SFSWAP: variants seen among roughly 807,000 people sequenced by gnomAD.
SFSWAP encodes the protein splicing factor, suppressor of white-apricot homolog.
A neutral mutation model predicts 100.7 loss-of-function variants in SFSWAP; 17 were observed. The observed-to-expected ratio is 0.17, with a 90% CI of 0.12 to 0.25. The LOEUF (loss-of-function observed/expected upper bound fraction) is 0.25. SFSWAP is among the 10% of genes least tolerant of loss of function. The pLI is 1.00. For synonymous variants in SFSWAP, 504 were observed against 510.1 expected, an observed-to-expected ratio of 0.99 and a Z score of 0.16; for missense variants, 1,005 against 1,262.6, an observed-to-expected ratio of 0.80 and a Z score of 3.09.
At chr12:131,727,089 C>G (rs1452518130) in intron 6 of SFSWAP, 37 bp downstream of exon 6, 1 of 1,225,850 alleles carries the variant, frequency 8.2e-7, no homozygotes, top group Admixed American at 1.8e-5. Flanking sequence ...TTTTATGCCA[C>G]CACAAAACTT....
At chr12:131,717,108 C>A (rs1399631855) in intron 3 of SFSWAP, among the ~76,000 whole-genome samples, 3 of 152,230 alleles carry the variant, frequency 2.0e-5, no homozygotes, top group Non-Finnish European at 4.4e-5. Flanking sequence ...ACCTAACACA[C>A]ACACACACAT....
chr12:131,741,198 C>T (rs1185839848), intron 7 of SFSWAP, among the ~76,000 whole-genome samples: 1 of 151,930 alleles, frequency 6.6e-6, no homozygotes, highest in African/African-American at 2.4e-5. Flanking sequence ...GAACTCCTGA[C>T]CTCGTGATCC....
At chr12:131,761,586 C>A (rs987630828) in intron 11 of SFSWAP, among the ~76,000 whole-genome samples, 1 of 152,224 alleles carries the variant, frequency 6.6e-6, no homozygotes, top group Non-Finnish European at 1.5e-5. Context: ...TGGCCCCGAT[C>A]ACTCAGGGAC....
chr12:131,790,116 C>T (rs1008627041), intron 15 of SFSWAP, among the ~76,000 whole-genome samples: 1 of 152,138 alleles, frequency 6.6e-6, no homozygotes, highest in African/African-American at 2.4e-5. Context: ...AAGACCCTGC[C>T]CCTTTGTTTA....
At chr12:131,786,662 C>G (rs966992540) in intron 15 of SFSWAP, 74 bp downstream of exon 15, 41 of 1,482,934 alleles carry the variant, frequency 2.8e-5, no homozygotes, top group Non-Finnish European at 3.4e-5. Context: ...GTCTGAAGGT[C>G]GGGTATCTGT....
At position 131,730,178 on chromosome 12, in the gene SFSWAP, G is replaced by A. The variant is rs1267276716; in HGVS notation, c.1081+1750G>A. On this transcript the variant is annotated intron_variant, in intron 7 of 17. Coordinates refer to ENST00000261674, the MANE Select transcript of SFSWAP (RefSeq NM_004592.4). This position sits in a 1 kb window ranked among gnomAD's most constrained non-coding sequence, Gnocchi z 4.0. The stretch of plus-strand genomic sequence containing the variant: ...TGCATGGATTTTTGGATAGACGGCC[G>A]CACACCTTTAAGTCTTGAGCCCCAC... 2.6e-5 allele frequency among the ~76,000 whole-genome samples: 4 copies of A among 152,294 alleles called. No homozygotes were observed. The highest frequency in any genetic ancestry group is 4.1e-4 in the South Asian group (2 of 4,828).
At chr12:131,791,911 T>C (rs1368185855) in intron 15 of SFSWAP, among the ~76,000 whole-genome samples, 2 of 152,268 alleles carry the variant, frequency 1.3e-5, no homozygotes, top group Admixed American at 1.3e-4. Flanking sequence ...CACAGATCAG[T>C]ACTGTGTGCA....
intron 13 of SFSWAP, among the ~76,000 whole-genome samples, chr12:131,777,830 G>A (rs887954515): frequency 2.0e-5 from 3 of 152,176 alleles, no homozygotes; most frequent in African/African-American, 7.2e-5. Flanking sequence ...CACAGCCTGG[G>A]GGCTGGGAAG....
rs1207347427 is a variant in SFSWAP, at chr12:131,711,325, A to G, written c.96A>G (p.Arg32=). 1.2e-6 allele frequency: 2 copies of G among 1,613,614 alleles called. No individual in the cohort carries two copies. The highest frequency in any genetic ancestry group is 8.5e-7 in the Non-Finnish European group (1 of 1,179,922). ...GCGGTGCCGGCGGTGGGGGCAGCCG[A>G]GTGGAGCTCTTGGTTTTCGGCTATG... ...GPGGAGGGGS[R]VELLVFGYAC... is the part of the protein sequence containing the mutation. The change falls in exon 1 of 18, where the codon CGA becomes CGG. Residue 32 remains arginine (R), a synonymous_variant. Transcript: ENST00000261674. This position sits in a 1 kb window ranked among gnomAD's most constrained non-coding sequence, Gnocchi z 4.9.
chr12:131,714,149 G>C lies in SFSWAP; in HGVS notation c.297G>C (p.Leu99=). Reference sequence around the variant, plus strand: ...CCACGTGGAACAGAGATTATCAGCTGTCTGAAGAGGAGGCGCGAATAGAGG... The same window carrying C: ...CCACGTGGAACAGAGATTATCAGCTCTCTGAAGAGGAGGCGCGAATAGAGG... ...EYSTWNRDYQ[L]SEEEARIEAL... The change falls in exon 2 of 18, where the codon CTG becomes CTC. Residue 99 remains leucine (L), a synonymous_variant. Transcript: ENST00000261674. The surrounding 1 kb of genome is among the most constrained non-coding windows in gnomAD (Gnocchi z 6.0). 6.2e-7 allele frequency: 1 copy of C among 1,614,098 alleles called. No homozygotes were observed. Among genetic ancestry groups the C allele is most frequent in the Non-Finnish European group, 8.5e-7 (1 of 1,179,984 alleles).
Position 131,711,543 on chromosome 12 carries a change from T to C in SFSWAP, c.218+96T>C. On this transcript the variant is annotated intron_variant, in intron 1 of 17. Transcript: ENST00000261674. The surrounding 1 kb of genome is among the most constrained non-coding windows in gnomAD (Gnocchi z 4.9). ...ACTGCAAGGACTGCAGAGAGTTTTC[T>C]GGAGCCAGCGGGGATCTGGGGGACA... 9.3e-7 allele frequency: 1 copy of C among 1,070,734 alleles called. No homozygotes were observed. The highest frequency in any genetic ancestry group is 1.4e-5 in the South Asian group (1 of 70,748). 66.3% of individuals were successfully genotyped at this position (1,070,734 alleles called of 1,614,324 possible).
chr12:131,764,755 C>A, intron 12 of SFSWAP, 69 bp downstream of exon 12: 1 of 1,144,996 alleles, frequency 8.7e-7, no homozygotes, highest in Non-Finnish European at 1.2e-6. Context: ...TCTGCTAAGC[C>A]AAAAAATCTC....
At chr12:131,722,556 A>C (rs1213663792) in intron 4 of SFSWAP, among the ~76,000 whole-genome samples, 3 of 152,204 alleles carry the variant, frequency 2.0e-5, no homozygotes, top group Non-Finnish European at 4.4e-5. Flanking sequence ...TATTCTGTTG[A>C]TGAATAATAA....
intron 4 of SFSWAP, among the ~76,000 whole-genome samples, chr12:131,722,889 T>G (rs1460921806): frequency 1.3e-5 from 2 of 152,072 alleles, no homozygotes; most frequent in Non-Finnish European, 2.9e-5. Context: ...GTGGAGGTTG[T>G]AGTGAGCTAA....
chr12:131,789,925 G>A lies in SFSWAP; in HGVS notation c.2534+3337G>A, dbSNP rs146630870. ...TGATTAAGTCTGCATCTGCCCCTTC[G>A]TCTCCCCACCAGCGAGGAATCCAGG... On this transcript the variant is annotated intron_variant, in intron 15 of 17. Transcript: ENST00000261674. Among the ~76,000 whole-genome samples, 683 of 152,176 alleles carry A rather than the reference G, an allele frequency of 4.5e-3. 4 individuals carry two copies. The highest frequency in any genetic ancestry group is 5.4e-3 in the African/African-American group (224 of 41,508).
In SFSWAP at chr12:131,730,669, G is replaced by A. The variant is rs923060926; in HGVS notation, c.1081+2241G>A. The stretch of plus-strand genomic sequence containing the variant: ...CACACACTTTGGTTTCTTCCCACCT[G>A]CTGATGGCTCCCGAGACCACTGATA... On this transcript the variant is annotated intron_variant, in intron 7 of 17. Transcript: ENST00000261674. This position sits in a 1 kb window ranked among gnomAD's most constrained non-coding sequence, Gnocchi z 4.0. 2.0e-5 allele frequency among the ~76,000 whole-genome samples: 3 copies of A among 152,182 alleles called. No homozygotes were observed. Among genetic ancestry groups the A allele is most frequent in the African/African-American group, 7.2e-5 (3 of 41,444 alleles).
rs1415426000 is a variant in SFSWAP at position 131,730,465 on chromosome 12, C to G, written c.1081+2037C>G. Among the ~76,000 whole-genome samples, 1 of 152,222 alleles carries G rather than the reference C, an allele frequency of 6.6e-6. No individual in the cohort carries two copies. Among genetic ancestry groups the G allele is most frequent in the African/African-American group, 2.4e-5 (1 of 41,454 alleles). On this transcript the variant is annotated intron_variant, in intron 7 of 17. Coordinates refer to ENST00000261674, the MANE Select transcript of SFSWAP (RefSeq NM_004592.4). This position sits in a 1 kb window ranked among gnomAD's most constrained non-coding sequence, Gnocchi z 4.0. ...TGGTGGAAGAACAGCCATGTGCAGA[C>G]CCCGCAGGACCAGGCAGGATGGTGG...
intron 4 of SFSWAP, among the ~76,000 whole-genome samples, chr12:131,721,790 C>T (rs1296756354): frequency 1.3e-5 from 2 of 152,168 alleles, no homozygotes; most frequent in East Asian, 3.8e-4. Flanking sequence ...TAGCAACTTG[C>T]TGTCTTATCA....
rs536563834 is a variant in SFSWAP, at chr12:131,714,739, T to C, written c.389-83T>C. ...GAAAAAAGTATGTTGTATGCTTTAC[T>C]GATAGCTACAACTTTAGAAATATAT... On this transcript the variant is annotated intron_variant, in intron 2 of 17. Coordinates refer to ENST00000261674, the MANE Select transcript of SFSWAP (RefSeq NM_004592.4). The surrounding 1 kb of genome is among the most constrained non-coding windows in gnomAD (Gnocchi z 6.0). 5 of 1,313,672 alleles carry C rather than the reference T, an allele frequency of 3.8e-6. No homozygotes were observed. Among genetic ancestry groups the C allele is most frequent in the South Asian group, 3.8e-5 (3 of 79,532 alleles). 81.4% of individuals were successfully genotyped at this position (1,313,672 alleles called of 1,614,324 possible). A position where few individuals can be genotyped will look rare whatever the true frequency, so the allele number is the denominator to read the frequency against.
Sources: gnomAD v4.1 joint callset for allele counts (sites outside exome capture counted in the v4.1 genomes callset) on GRCh38, gnomAD v4.1.1 for gene constraint, Gnocchi (gnomAD v3.1) non-coding constraint, MANE v1.5 for transcripts, NCBI Gene and HGNC (gene_info 2026-07-23, HGNC 2026-07-21) for gene names.